DCP1B: variants seen among roughly 807,000 people sequenced by gnomAD.
DCP1B encodes the protein decapping mRNA 1B.
Under a neutral mutation model 60.5 loss-of-function variants are expected in DCP1B, and 47 were observed. The observed-to-expected ratio is 0.78, with a 90% CI of 0.61 to 0.99. The LOEUF is 0.99. Ranked by LOEUF, DCP1B falls within the 50% of genes least tolerant of loss-of-function variation. The probability of loss-of-function intolerance (pLI) is 0.00; values close to 1 mark genes in which losing one functional copy is unlikely to be tolerated. For synonymous variants in DCP1B, 267 were observed against 280.3 expected, an observed-to-expected ratio of 0.95 and a Z score of 0.47; for missense variants, 725 against 756.8, an observed-to-expected ratio of 0.96 and a Z score of 0.49.
rs2030743746 is a variant in DCP1B, at chr12:1,953,046, C to T, written c.894G>A (p.Met298Ile). 3 of 1,614,108 alleles carry T rather than the reference C, an allele frequency of 1.9e-6. No homozygotes were observed. Among genetic ancestry groups the T allele is most frequent in the African/African-American group, 2.7e-5 (2 of 75,004 alleles). ...KQLCPAIQKL[M>I]VRSADLHPLS... ...ATGGGTGGAGGTCTGCGCTCCTGAC[C>T]ATGAGTTTCTGAATGGCTGGACAGA... The change falls in exon 7 of 9, where the codon ATG becomes ATA. Residue 298 changes from methionine to isoleucine, a missense_variant. Physicochemically the swap from Met to Ile is conservative, Grantham distance 10. Transcript: ENST00000280665.
At chr12:1,947,551 A>G (rs1357004127) in intron 8 of DCP1B, among the ~76,000 whole-genome samples, 2 of 152,298 alleles carry the variant, frequency 1.3e-5, no homozygotes, top group East Asian at 3.9e-4. Flanking sequence ...ATGTTCAGCC[A>G]CTACTCTGGA....
At chr12:1,997,022 T>C (rs2041086790) in intron 2 of DCP1B, among the ~76,000 whole-genome samples, 1 of 152,224 alleles carries the variant, frequency 6.6e-6, no homozygotes. Flanking sequence ...TGAATGTTTA[T>C]GTGAATGAAA....
At chr12:1,951,076 AG>A (rs1487229508) in intron 7 of DCP1B, among the ~76,000 whole-genome samples, 1 of 152,174 alleles carries the variant, frequency 6.6e-6, no homozygotes, top group African/African-American at 2.4e-5. Flanking sequence ...GTTCGAGACC[AG>A]CCAGGCCAAC....
intron 3 of DCP1B, among the ~76,000 whole-genome samples, chr12:1,974,367 C>T (rs1053020624): frequency 6.6e-6 from 1 of 152,144 alleles, no homozygotes; most frequent in Non-Finnish European, 1.5e-5. Context: ...TTGCTTCAAA[C>T]ACTTTACCTT....
At position 1,948,636 on chromosome 12, in the gene DCP1B, A is replaced by G. The variant is rs1218206020; in HGVS notation, c.1773+450T>C. ...CTTGTAAAACATACCTGTAGCAGCC[A>G]TGGCCATTATTTGCTTCCCTCCCTG... On this transcript the variant is annotated intron_variant, in intron 8 of 8. Transcript: ENST00000280665. The surrounding 1 kb of genome is among the most constrained non-coding windows in gnomAD (Gnocchi z 4.8). Among the ~76,000 whole-genome samples the G allele has an allele frequency of 6.6e-6, 1 of 152,144 alleles. No individual in the cohort carries two copies. Among genetic ancestry groups the G allele is most frequent in the African/African-American group, 2.4e-5 (1 of 41,430 alleles).
rs1004256779 is a variant in DCP1B at position 1,971,461 on chromosome 12, C to A, written c.320-3551G>T. Among the ~76,000 whole-genome samples the A allele has an allele frequency of 2.6e-5, 4 of 152,184 alleles. No individual in the cohort carries two copies. The highest frequency in any genetic ancestry group is 5.9e-5 in the Non-Finnish European group (4 of 68,030). The stretch of plus-strand genomic sequence containing the variant: ...GCAATACTGCCTTTACATAATGAAA[C>A]ACCAATCTTTTACTTTCCTTTTAAC... On this transcript the variant is annotated intron_variant, in intron 3 of 8. Transcript: ENST00000280665. This position sits in a 1 kb window ranked among gnomAD's most constrained non-coding sequence, Gnocchi z 4.2.
chr12:1,985,694 G>C (rs1298564833), intron 3 of DCP1B, among the ~76,000 whole-genome samples: 1 of 152,188 alleles, frequency 6.6e-6, no homozygotes. Flanking sequence ...GAGTCCTCTT[G>C]AAACCCTCCA....
At chr12:1,974,408 G>A (rs539741157) in intron 3 of DCP1B, among the ~76,000 whole-genome samples, 47 of 152,212 alleles carry the variant, frequency 3.1e-4, no homozygotes, top group African/African-American at 1.1e-3. Context: ...ATGGGATTCT[G>A]TCATTAGGAT....
At chr12:1,965,769 T>C in intron 4 of DCP1B, 76 bp from the exon 5 acceptor site, 2 of 1,478,694 alleles carry the variant, frequency 1.4e-6, no homozygotes, top group South Asian at 2.8e-5. Context: ...ATCCCAATTC[T>C]CACCTAGTTG....
intron 4 of DCP1B, chr12:1,966,209 A>G (rs1267002563): frequency 6.6e-6 from 1 of 152,256 alleles, no homozygotes; most frequent in East Asian, 1.9e-4. Flanking sequence ...TACTTTACAG[A>G]CTGCCTTGAA....
At chr12:1,942,530 C>T (rs192164040), downstream of DCP1B, among the ~76,000 whole-genome samples, 1 of 152,306 alleles carries the variant, frequency 6.6e-6, no homozygotes, top group Admixed American at 6.5e-5. Flanking sequence ...AAATTGACCA[C>T]ATAATCGGAA....
chr12:1,957,993 AGCTCCCCAACGTCGCTCTGGGCAG>A (rs2030949003), intron 5 of DCP1B, among the ~76,000 whole-genome samples: 2 of 151,924 alleles, frequency 1.3e-5, no homozygotes, highest in African/African-American at 2.4e-5. Context: ...ACAGGGGAAA[AGCTCCCCAACGTCGCTCTGGGCAG>A]ACTTTTTCTA....
At position 1,948,521 on chromosome 12, in the gene DCP1B, T is replaced by C. The variant is rs2030529063; in HGVS notation, c.1773+565A>G. ...GTGTTAGCTATTATAGCACTCATTA[T>C]TATTTCATAATTTCATAGGCAAGTG... On this transcript the variant is annotated intron_variant, in intron 8 of 8. Coordinates refer to ENST00000280665, the MANE Select transcript of DCP1B (RefSeq NM_152640.5). This position sits in a 1 kb window ranked among gnomAD's most constrained non-coding sequence, Gnocchi z 4.8. Among the ~76,000 whole-genome samples, 1 of 152,252 alleles carries C rather than the reference T, an allele frequency of 6.6e-6. No homozygotes were observed. The highest frequency in any genetic ancestry group is 2.4e-5 in the African/African-American group (1 of 41,470).
intron 5 of DCP1B, among the ~76,000 whole-genome samples, chr12:1,961,861 T>A (rs1409478541): frequency 1.3e-5 from 2 of 152,166 alleles, no homozygotes; most frequent in East Asian, 3.9e-4. Flanking sequence ...CAGAACCGTA[T>A]ATGAGTGTTT....
chr12:1,954,674 A>G (rs912302740), intron 6 of DCP1B, among the ~76,000 whole-genome samples: 2 of 152,092 alleles, frequency 1.3e-5, no homozygotes, highest in Admixed American at 6.6e-5. Flanking sequence ...GGCGGCAGCT[A>G]CCCCAGTCTA....
At chr12:1,955,365 A>C in intron 6 of DCP1B, 67 bp downstream of exon 6, 1 of 1,539,918 alleles carries the variant, frequency 6.5e-7, no homozygotes, top group Non-Finnish European at 8.8e-7. Flanking sequence ...CCCTGACTAT[A>C]TTCTGGGTCA....
Position 1,952,455 on chromosome 12 carries a change from G to A in DCP1B, c.1485C>T (p.Asn495=). Reference sequence around the variant, plus strand: ...TCTGCTGTTCTGTGTTGGGTGTCTTGTTGATCCAGGATTCCAAGGGTTTCC... The same window carrying A: ...TCTGCTGTTCTGTGTTGGGTGTCTTATTGATCCAGGATTCCAAGGGTTTCC... The part of the protein sequence containing the change: ...GTGKPLESWI[N]KTPNTEQQTP... Residue 495 remains asparagine (N), a synonymous_variant, in exon 7 of 9, where the codon AAC becomes AAT. Transcript: ENST00000280665. 1 of 1,609,338 alleles carries A rather than the reference G, an allele frequency of 6.2e-7. No homozygotes were observed. The highest frequency in any genetic ancestry group is 1.1e-5 in the South Asian group (1 of 90,818).
chr12:1,952,936 C>A lies in DCP1B; in HGVS notation c.1004G>T (p.Gly335Val), dbSNP rs1447372562. ...AGAAGTTCCAATGTTGTGAGGAGAC[C>A]CTGGCTGGACAGGTCCTGTAAAAAA... ...GEFFTGPVQP[G>V]SPHNIGTSRG... is the part of the protein sequence containing the mutation. The change falls in exon 7 of 9, where the codon GGG (glycine) becomes GTG (valine). Residue 335 changes from glycine (G) to valine (V), a missense_variant. Transcript: ENST00000280665. 6.2e-7 allele frequency: 1 copy of A among 1,613,986 alleles called. No homozygotes were observed. The highest frequency in any genetic ancestry group is 8.5e-7 in the Non-Finnish European group (1 of 1,180,020).
At chr12:2,002,205 TC>T (rs2154479404) in intron 1 of DCP1B, among the ~76,000 whole-genome samples, 1 of 152,216 alleles carries the variant, frequency 6.6e-6, no homozygotes, top group Non-Finnish European at 1.5e-5. Context: ...CTCCTTAAGA[TC>T]CCCCCTGCCT....
Sources: gnomAD v4.1 joint callset for allele counts (sites outside exome capture counted in the v4.1 genomes callset) on GRCh38, gnomAD v4.1.1 for gene constraint, Gnocchi (gnomAD v3.1) non-coding constraint, MANE v1.5 for transcripts, NCBI Gene and HGNC (gene_info 2026-07-23, HGNC 2026-07-21) for gene names.